L3HYPDH: variants seen among roughly 807,000 people sequenced by gnomAD.
L3HYPDH encodes trans-3-hydroxy-L-proline dehydratase.
Under a neutral mutation model 26.5 loss-of-function variants are expected in L3HYPDH, and 32 were observed. The observed-to-expected ratio is 1.21, with a 90% CI of 0.91 to 1.62. L3HYPDH has a LOEUF of 1.62. Among genes scored for constraint, L3HYPDH ranks in the 40% most tolerant of loss-of-function variants. L3HYPDH has a pLI of 0.00. For missense variants in L3HYPDH, 554 were observed against 476.4 expected (o/e 1.16, Z -1.52); for synonymous variants, 215 against 196.6 (o/e 1.09, Z -0.78).
the L3HYPDH span, among the ~76,000 whole-genome samples, chr14:59,490,123 T>C: frequency 2.2e-3 from 331 of 152,178 alleles, 1 homozygote; most frequent in Admixed American, 4.6e-3. Flanking sequence ...GGTCTCTCTA[T>C]GTTGCCCAGG....
chr14:59,493,542 A>T, the L3HYPDH span, among the ~76,000 whole-genome samples: 4 of 152,260 alleles, frequency 2.6e-5, no homozygotes, highest in African/African-American at 9.6e-5. Flanking sequence ...TAATGGAAAC[A>T]GTGTTCAAGT....
At chr14:59,486,728 C>T (rs1052828790), upstream of L3HYPDH, 7 of 1,589,680 alleles carry the variant, frequency 4.4e-6, no homozygotes, top group South Asian at 1.1e-5. Flanking sequence ...GATATTCAAC[C>T]AGCATGCCTT....
downstream of L3HYPDH, among the ~76,000 whole-genome samples, chr14:59,468,278 C>T (rs1481541747): frequency 6.6e-6 from 1 of 152,172 alleles, no homozygotes; most frequent in Non-Finnish European, 1.5e-5. Context: ...GACCCCAATC[C>T]TTAATATTTC....
At chr14:59,503,183 G>C in the L3HYPDH span, among the ~76,000 whole-genome samples, 1 of 152,118 alleles carries the variant, frequency 6.6e-6, no homozygotes, top group Non-Finnish European at 1.5e-5. Flanking sequence ...AATCAGAAAT[G>C]GGGACCTAAA....
chr14:59,469,269 G>A (rs543527741), downstream of L3HYPDH, among the ~76,000 whole-genome samples: 6 of 152,148 alleles, frequency 3.9e-5, no homozygotes, highest in East Asian at 9.7e-4. Context: ...ATAAAAGAAG[G>A]GGAGGCCAGG....
At chr14:59,496,136 C>CA in the L3HYPDH span, among the ~76,000 whole-genome samples, 1 of 152,092 alleles carries the variant, frequency 6.6e-6, no homozygotes, top group Non-Finnish European at 1.5e-5. Flanking sequence ...GAACTCCTGG[C>CA]CTTAAGTGAT....
chr14:59,487,655 T>C (rs376812086), upstream of L3HYPDH: 10 of 1,587,870 alleles, frequency 6.3e-6, no homozygotes, highest in South Asian at 5.6e-5. Flanking sequence ...ACACAAAATA[T>C]TGGTTTTATA....
chr14:59,491,120 G>A, the L3HYPDH span, among the ~76,000 whole-genome samples: 2 of 152,210 alleles, frequency 1.3e-5, no homozygotes, highest in Admixed American at 1.3e-4. Context: ...GGGGGCTGGA[G>A]GTGTCTTAAC....
intron 4 of L3HYPDH, chr14:59,474,386 C>T (rs955990267): frequency 1.6e-6 from 1 of 610,662 alleles, no homozygotes; most frequent in East Asian, 2.9e-5. Context: ...TGTTCAGCTG[C>T]TTCCCAGGAG....
At position 59,484,067 on chromosome 14, in the gene L3HYPDH, C is replaced by A. The variant is rs754122894; in HGVS notation, c.250G>T (p.Glu84Ter). Residue 84 changes from glutamate to a stop codon, truncating the protein, a stop_gained, in exon 1 of 5, where the codon GAG (glutamate) becomes TAG (stop). Coordinates refer to ENST00000247194, the MANE Select transcript of L3HYPDH (RefSeq NM_144581.2). LOFTEE classifies it high-confidence loss of function. ...ACGCCCAGATGCGCGTCCGGCAGCT[C>A]GCTCGGGACTAGGACCGCCCCGTAC... ...DMYGAVLVPSELPDAHLGVLF... is the reference protein window; with the variant it reads ...DMYGAVLVPS The A allele has an allele frequency of 8.7e-6, 14 of 1,607,030 alleles. 1 individual carries two copies. The South Asian group carries it at 1.5e-4, about 18-fold the overall frequency.
the L3HYPDH span, among the ~76,000 whole-genome samples, chr14:59,502,750 A>ATT: frequency 2.0e-4 from 1 of 4,920 alleles, no homozygotes; most frequent in African/African-American, 3.4e-4. Context: ...ATAAAATGAG[A>ATT]TTTTTTTTTT....
the L3HYPDH span, chr14:59,495,259 T>G: frequency 6.9e-7 from 1 of 1,451,578 alleles, no homozygotes; most frequent in Non-Finnish European, 9.7e-7. Context: ...TCATTGTTTT[T>G]TTTTAAATCT....
At chr14:59,469,419 G>C (rs1161383411), downstream of L3HYPDH, among the ~76,000 whole-genome samples, 1 of 152,044 alleles carries the variant, frequency 6.6e-6, no homozygotes, top group Non-Finnish European at 1.5e-5. Context: ...GCTGAACGTA[G>C]TGGCAGGCAC....
the L3HYPDH span, chr14:59,494,978 T>A: frequency 7.0e-7 from 1 of 1,421,194 alleles, no homozygotes; most frequent in Non-Finnish European, 9.9e-7. Flanking sequence ...ATTTAAATAT[T>A]GCAATTTTTC....
the L3HYPDH span, chr14:59,504,559 CTATT>C: frequency 2.0e-5 from 3 of 153,328 alleles, no homozygotes; most frequent in African/African-American, 4.8e-5. Flanking sequence ...TTTTTGTTAT[CTATT>C]TATTTTCATC....
chr14:59,480,282 T>C (rs989734108), intron 1 of L3HYPDH, among the ~76,000 whole-genome samples: 2 of 152,156 alleles, frequency 1.3e-5, no homozygotes, highest in African/African-American at 2.4e-5. Context: ...TGAAGGTCCT[T>C]AGTGCAGAGA....
intron 4 of L3HYPDH, chr14:59,474,368 T>C (rs1412224551): frequency 1.7e-6 from 1 of 592,942 alleles, no homozygotes; most frequent in African/African-American, 1.9e-5. Flanking sequence ...AGGATGGGTC[T>C]CCACAGTTGT....
the L3HYPDH span, among the ~76,000 whole-genome samples, chr14:59,499,503 T>C: frequency 6.6e-6 from 1 of 152,252 alleles, no homozygotes; most frequent in South Asian, 2.1e-4. Flanking sequence ...TTAATTCATT[T>C]GTTTAGTAAC....
At chr14:59,478,268 T>C (rs904555340) in intron 2 of L3HYPDH, among the ~76,000 whole-genome samples, 8 of 152,184 alleles carry the variant, frequency 5.3e-5, no homozygotes, top group African/African-American at 1.9e-4. Context: ...GTATGTATTA[T>C]TAAATTTAGT....
Sources: allele counts gnomAD v4.1 joint callset (sites outside exome capture counted in the v4.1 genomes callset), GRCh38; gene constraint gnomAD v4.1.1; transcripts MANE v1.5; gene names NCBI Gene and HGNC (gene_info 2026-07-23, HGNC 2026-07-21).